Variants in MYO15B observed in about 807,000 individuals in gnomAD.
MYO15B encodes myosin XVB, also known as myosin XVB pseudogene.
Under a neutral mutation model 119.3 loss-of-function variants are expected in MYO15B, and 207 were observed. That is an observed-to-expected ratio of 1.73 (90% CI 1.55 to 1.95). The LOEUF (loss-of-function observed/expected upper bound fraction) is 1.95, where lower values mean the gene tolerates loss of function less well. Among genes scored for constraint, MYO15B ranks in the 30% most tolerant of loss-of-function variants. The probability of loss-of-function intolerance (pLI) is 0.00; values close to 1 mark genes in which losing one functional copy is unlikely to be tolerated. For synonymous variants in MYO15B, 966 were observed against 498.9 expected (o/e 1.94, Z -12.48); for missense variants, 2,264 against 1,203.1 (o/e 1.88, Z -13.04).
In MYO15B at chr17:75,613,047, AG is replaced by A; in HGVS notation, c.4809del (p.Gln1604SerfsTer168). On this transcript the variant is annotated frameshift_variant, in exon 27 of 64. Transcript: ENST00000645453. LOFTEE classifies it high-confidence loss of function. ...ATCATGGGCGCATACCTGGTGCGGC[AG>A]GGGCAGTGCCGGCCAGGGCTGCGGA... The A allele has an allele frequency of 1.4e-6, 1 of 700,916 alleles. No homozygotes were observed. Among genetic ancestry groups the A allele is most frequent in the Non-Finnish European group, 2.6e-6 (1 of 383,352 alleles). The allele number at this position is 700,916 out of a possible 1,614,324, so 43.4% of individuals were successfully genotyped here.
chr17:75,603,733 C>T (rs1435628021), intron 19 of MYO15B, among the ~76,000 whole-genome samples: 3 of 69,838 alleles, frequency 4.3e-5, no homozygotes, highest in East Asian at 3.5e-4. Flanking sequence ...CGGGGAGGGG[C>T]GGGGTGGCAC....
At chr17:75,626,746 A>C in exon 64 of MYO15B, 1 of 559,106 alleles carries the variant, frequency 1.8e-6, no homozygotes, top group East Asian at 3.0e-5. Flanking sequence ...GCCCAGTCTG[A>C]GGGAGATGCC....
chr17:75,596,935 G>T, intron 14 of MYO15B, 36 bp downstream of exon 14: 1 of 667,818 alleles, frequency 1.5e-6, no homozygotes, highest in Middle Eastern at 2.4e-4. Flanking sequence ...ACCCAGTGTC[G>T]GGAAGGAGTG....
intron 9 of MYO15B, among the ~76,000 whole-genome samples, chr17:75,594,044 C>G (rs1325215915): frequency 7.0e-6 from 1 of 142,748 alleles, no homozygotes. Flanking sequence ...GAGCCTTGAT[C>G]GTGCCACTGC....
Position 75,619,356 on chromosome 17 carries a change from A to G in MYO15B, c.7064-2A>G, listed in dbSNP as rs2058566429. On this transcript the variant is annotated splice_acceptor_variant, in intron 44 of 63. Transcript: ENST00000645453. LOFTEE classifies it high-confidence loss of function. Reference sequence around the variant, plus strand: ...GGCAGCCTGGGTCCTTCCTGCCCACAGGAGGCTTGGAGGTGGACCTGGATT... The same window carrying G: ...GGCAGCCTGGGTCCTTCCTGCCCACGGGAGGCTTGGAGGTGGACCTGGATT... 1.4e-6 allele frequency: 1 copy of G among 702,672 alleles called. No individual in the cohort carries two copies. The highest frequency in any genetic ancestry group is 2.3e-4 in the Middle Eastern group (1 of 4,366). 43.5% of individuals were successfully genotyped at this position (702,672 alleles called of 1,614,324 possible).
At chr17:75,592,865 C>T in intron 9 of MYO15B, 25 bp downstream of exon 9, 1 of 696,332 alleles carries the variant, frequency 1.4e-6, no homozygotes, top group South Asian at 1.5e-5. Context: ...GGGCAGGGGC[C>T]ATCTGGGGTG....
At chr17:75,617,033 A>G in intron 40 of MYO15B, 52 bp from the exon 41 acceptor site, 1 of 694,908 alleles carries the variant, frequency 1.4e-6, no homozygotes, top group South Asian at 1.5e-5. Flanking sequence ...TCTGGGGCGA[A>G]CTTGGCCTTG....
intron 14 of MYO15B, among the ~76,000 whole-genome samples, chr17:75,598,314 C>T (rs532550033): frequency 2.7e-5 from 4 of 150,900 alleles, no homozygotes; most frequent in Non-Finnish European, 2.9e-5. Flanking sequence ...CGCGGTGGCT[C>T]ACGCCTGTAA....
chr17:75,594,936 T>C, exon 12 of MYO15B: 1 of 703,076 alleles, frequency 1.4e-6, no homozygotes. Flanking sequence ...GAGGCAGCAT[T>C]GGCACCGTCA....
At chr17:75,624,686 G>A in intron 58 of MYO15B, 47 bp downstream of exon 58, 1 of 702,946 alleles carries the variant, frequency 1.4e-6, no homozygotes, top group Non-Finnish European at 2.6e-6. Context: ...CCCCTGCCCA[G>A]GGGTGAGGTG....
chr17:75,605,656 A>G (rs892352682), intron 20 of MYO15B, 35 bp downstream of exon 20: 6 of 701,226 alleles, frequency 8.6e-6, no homozygotes, highest in African/African-American at 1.7e-5. Context: ...AGAGGGCAGC[A>G]TGAATGGGAA....
At chr17:75,616,670 G>T (rs1189928797) in exon 39 of MYO15B, 1 of 702,970 alleles carries the variant, frequency 1.4e-6, no homozygotes, top group East Asian at 2.7e-5. Flanking sequence ...GGGGACTGTG[G>T]TGCGCAGCTC....
chr17:75,590,415 G>A (rs1293131035), intron 1 of MYO15B, 172 bp downstream of exon 1: 2 of 397,718 alleles, frequency 5.0e-6, no homozygotes, highest in African/African-American at 4.1e-5. Context: ...ACGTCCCCAG[G>A]ACCGCCTTTC....
chr17:75,607,120 T>C (rs2057706515), intron 21 of MYO15B: 2 of 394,360 alleles, frequency 5.1e-6, no homozygotes, highest in South Asian at 2.8e-4. Flanking sequence ...GAGAATGAAG[T>C]GAAGACAGTG....
intron 14 of MYO15B, among the ~76,000 whole-genome samples, chr17:75,598,648 T>C (rs902259718): frequency 6.6e-6 from 1 of 152,152 alleles, no homozygotes; most frequent in African/African-American, 2.4e-5. Context: ...ATGTACTATA[T>C]ATTGATATAT....
Position 75,614,181 on chromosome 17 carries a change from T to G in MYO15B, c.5220-18T>G. 1 of 700,128 alleles carries G rather than the reference T, an allele frequency of 1.4e-6. No homozygotes were observed. Among genetic ancestry groups the G allele is most frequent in the Non-Finnish European group, 2.6e-6 (1 of 383,170 alleles). 43.4% of individuals were successfully genotyped at this position (700,128 alleles called of 1,614,324 possible). ...CTGGATGGCCGCCTGCCTCACTGAC[T>G]GGTCCCCTCCCACCCAGAGGCCTGG... On this transcript the variant is annotated intron_variant, in intron 29 of 63. Coordinates refer to ENST00000645453, the Ensembl canonical transcript of MYO15B.
At chr17:75,621,802 A>T (rs530817468) in intron 52 of MYO15B, 7 of 606,580 alleles carry the variant, frequency 1.2e-5, no homozygotes, top group Admixed American at 5.6e-5. Context: ...AGAGGATGCT[A>T]TGTGCTGTGT....
rs1198911539 is a variant in MYO15B at position 75,625,995 on chromosome 17, C to T, written c.9072+18C>T. The T allele has an allele frequency of 8.6e-6, 6 of 700,416 alleles. No individual in the cohort carries two copies. In the African/African-American group the frequency reaches 8.8e-5, roughly 10 times the overall value. 43.4% of individuals were successfully genotyped at this position (700,416 alleles called of 1,614,324 possible). On this transcript the variant is annotated intron_variant, in intron 62 of 63. Coordinates refer to ENST00000645453, the Ensembl canonical transcript of MYO15B. Reference sequence around the variant, plus strand: ...GCTCCCAGGTGGGCACAGCTCTTGCCTCAGCACTGGCCTAGGGACCCTTGG... The same window carrying T: ...GCTCCCAGGTGGGCACAGCTCTTGCTTCAGCACTGGCCTAGGGACCCTTGG...
rs760765977 is a variant in MYO15B, at chr17:75,596,765, CAGG to C, written c.3397_3399del (p.Glu1133del). 1.1e-5 allele frequency: 8 copies of C among 698,316 alleles called. No homozygotes were observed. The highest frequency in any genetic ancestry group is 3.0e-5 in the South Asian group (2 of 67,090). 43.3% of individuals were successfully genotyped at this position (698,316 alleles called of 1,614,324 possible). ...AAAATGGCCAAATGCCGGCTGTTCC[CAGG>C]AGGAGTGTCGGCGGGAGTTGCTGTC... On this transcript the variant is annotated splice_acceptor_variant and coding_sequence_variant, in exon 14 of 64. Transcript: ENST00000645453. LOFTEE classifies it high-confidence loss of function.
Sources: allele counts gnomAD v4.1 joint callset (sites outside exome capture counted in the v4.1 genomes callset), GRCh38; gene constraint gnomAD v4.1.1; transcripts MANE v1.5; gene names NCBI Gene and HGNC (gene_info 2026-07-23, HGNC 2026-07-21).